Variants in RNF216 observed in about 807,000 individuals in gnomAD.
RNF216 encodes the protein E3 ubiquitin-protein ligase RNF216.
In RNF216, 72 loss-of-function variants were observed where a neutral mutation model predicts 110.8. The observed-to-expected ratio is 0.65, with a 90% CI of 0.54 to 0.79. RNF216 has a LOEUF of 0.79. Among genes scored for constraint, RNF216 ranks in the 30% least tolerant of loss-of-function variants. RNF216 has a pLI of 0.00. For missense variants in RNF216, 1,342 were observed against 1,141.2 expected (o/e 1.18, Z -2.54); for synonymous variants, 495 against 407.5 (o/e 1.21, Z -2.59).
intron 13 of RNF216, among the ~76,000 whole-genome samples, chr7:5,656,401 A>C (rs777607198): frequency 6.6e-6 from 1 of 152,234 alleles, no homozygotes; most frequent in Non-Finnish European, 1.5e-5. Context: ...TGGAAGGCAA[A>C]GTACACTTTG....
At position 5,765,997 on chromosome 7, in the gene RNF216, G is replaced by A. The variant is rs945272000; in HGVS notation, c.-69-4859C>T. Among the ~76,000 whole-genome samples, 37 of 150,528 alleles carry A rather than the reference G, an allele frequency of 2.5e-4. 1 individual carries two copies. The highest frequency in any genetic ancestry group is 5.9e-5 in the Non-Finnish European group (4 of 67,666). Reference sequence around the variant, plus strand: ...GAAAGAAATAGAAACATGAATCCAGGCTGGGCACAATGGCTCACACTTGTA... The same window carrying A: ...GAAAGAAATAGAAACATGAATCCAGACTGGGCACAATGGCTCACACTTGTA... On this transcript the variant is annotated intron_variant, in intron 1 of 16. Coordinates refer to ENST00000389902, the MANE Select transcript of RNF216 (RefSeq NM_207111.4).
chr7:5,726,126 A>C (rs937720110), intron 7 of RNF216, among the ~76,000 whole-genome samples: 32 of 152,004 alleles, frequency 2.1e-4, no homozygotes, highest in Non-Finnish European at 4.0e-4. Flanking sequence ...AAAATACAAA[A>C]AAATAGCTGG....
intron 13 of RNF216, among the ~76,000 whole-genome samples, chr7:5,686,148 A>G (rs867601652): frequency 5.3e-5 from 8 of 151,072 alleles, no homozygotes; most frequent in Non-Finnish European, 1.2e-4. Context: ...GCTTGAATCC[A>G]GAAGGCAGAG....
rs143386646 is a variant in RNF216 at position 5,688,114 on chromosome 7, C to G, written c.2061+23647G>C. Reference sequence around the variant, plus strand: ...AGCAGCAGCTATTCCTGCTCTATGTCCTGGATTCCCACAGTTGGCTGGTGG... The same window carrying G: ...AGCAGCAGCTATTCCTGCTCTATGTGCTGGATTCCCACAGTTGGCTGGTGG... On this transcript the variant is annotated intron_variant, in intron 13 of 16. Transcript: ENST00000389902. Among the ~76,000 whole-genome samples, 850 of 152,318 alleles carry G rather than the reference C, an allele frequency of 5.6e-3. 4 individuals carry two copies. The highest frequency in any genetic ancestry group is 0.019 in the African/African-American group (794 of 41,548).
Position 5,624,936 on chromosome 7 carries a change from C to G in RNF216, c.2383-811G>C, listed in dbSNP as rs548404769. On this transcript the variant is annotated intron_variant, in intron 15 of 16. Transcript: ENST00000389902. The surrounding 1 kb of genome is among the most constrained non-coding windows in gnomAD (Gnocchi z 4.4). ...GGAGGACCGGGCTGCTGCCTCAGGA[C>G]AGACCACCCGTGATGCCTGCTTCAT... Among the ~76,000 whole-genome samples the G allele has an allele frequency of 5.3e-5, 8 of 152,240 alleles. No homozygotes were observed. Among genetic ancestry groups the G allele is most frequent in the Non-Finnish European group, 1.2e-4 (8 of 68,044 alleles).
chr7:5,686,715 A>T (rs1398160138), intron 13 of RNF216, among the ~76,000 whole-genome samples: 1 of 152,246 alleles, frequency 6.6e-6, no homozygotes, highest in African/African-American at 2.4e-5. Context: ...TATTACCTAC[A>T]GAAGATCTTA....
intron 13 of RNF216, among the ~76,000 whole-genome samples, chr7:5,700,425 G>C (rs1316018348): frequency 6.6e-6 from 1 of 152,156 alleles, no homozygotes; most frequent in Non-Finnish European, 1.5e-5. Context: ...TTTTTATTGT[G>C]AAATTTCTAA....
chr7:5,688,834 T>C (rs548040129), intron 13 of RNF216, among the ~76,000 whole-genome samples: 9 of 152,170 alleles, frequency 5.9e-5, no homozygotes, highest in African/African-American at 2.2e-4. Context: ...CTTAATAATA[T>C]GATACGAATT....
intron 15 of RNF216, among the ~76,000 whole-genome samples, chr7:5,629,429 G>C (rs569160918): frequency 6.6e-6 from 1 of 151,866 alleles, no homozygotes; most frequent in South Asian, 2.1e-4. Flanking sequence ...TTGTGCCATT[G>C]TACTGGCACA....
intron 15 of RNF216, among the ~76,000 whole-genome samples, chr7:5,625,800 G>C (rs1183550573): frequency 6.6e-6 from 1 of 152,218 alleles, no homozygotes; most frequent in Non-Finnish European, 1.5e-5. Context: ...GTAGATGAAA[G>C]ATTCTTAGAA....
chr7:5,631,499 T>C (rs74601119), intron 15 of RNF216, among the ~76,000 whole-genome samples: 6,385 of 152,280 alleles, frequency 0.042, 181 homozygotes, highest in East Asian at 0.093. Context: ...CTCAGCTCAC[T>C]GGTTTTGGTC....
At chr7:5,762,688 T>C (rs567577268) in intron 1 of RNF216, among the ~76,000 whole-genome samples, 5 of 151,328 alleles carry the variant, frequency 3.3e-5, no homozygotes, top group African/African-American at 9.7e-5. Context: ...CGAGACTCTG[T>C]CTCGAAAACA....
intron 15 of RNF216, among the ~76,000 whole-genome samples, chr7:5,632,403 A>T (rs1216565204): frequency 6.6e-6 from 1 of 152,226 alleles, no homozygotes; most frequent in Admixed American, 6.5e-5. Flanking sequence ...TTTCAAATGA[A>T]TTCTCAGCAC....
intron 7 of RNF216, among the ~76,000 whole-genome samples, chr7:5,726,885 C>G (rs1793787441): frequency 6.6e-6 from 1 of 150,638 alleles, no homozygotes. Flanking sequence ...GTGCTCAAGT[C>G]TTTGCCATCC....
intron 3 of RNF216, among the ~76,000 whole-genome samples, chr7:5,747,614 G>A (rs73341668): frequency 0.062 from 9,426 of 151,722 alleles, 978 homozygotes; most frequent in African/African-American, 0.22. Context: ...GGTCATGCAC[G>A]GTGGCACACA....
At chr7:5,644,683 T>C (rs1787944935) in intron 14 of RNF216, among the ~76,000 whole-genome samples, 1 of 152,152 alleles carries the variant, frequency 6.6e-6, no homozygotes, top group South Asian at 2.1e-4. Context: ...TTTTAAATTT[T>C]TTGTAGAGAC....
At chr7:5,700,680 T>A (rs1052284916) in intron 13 of RNF216, among the ~76,000 whole-genome samples, 2 of 152,140 alleles carry the variant, frequency 1.3e-5, no homozygotes, top group Admixed American at 1.3e-4. Context: ...CCACAGAGAA[T>A]CTTTTTCTGT....
intron 14 of RNF216, among the ~76,000 whole-genome samples, chr7:5,650,607 C>A (rs1410119371): frequency 6.6e-6 from 1 of 152,092 alleles, no homozygotes; most frequent in Non-Finnish European, 1.5e-5. Flanking sequence ...GAGGGTTTTC[C>A]CAACTTCTAC....
Position 5,741,557 on chromosome 7 carries a change from T to C in RNF216, c.460A>G (p.Arg154Gly), listed in dbSNP as rs1422275803. 3.1e-6 allele frequency: 5 copies of C among 1,614,114 alleles called. No individual in the cohort carries two copies. The highest frequency in any genetic ancestry group is 2.2e-5 in the East Asian group (1 of 44,896). The change falls in exon 4 of 17, where the codon AGA (arginine) becomes GGA (glycine). Residue 154 changes from arginine (R) to glycine (G), a missense_variant. Coordinates refer to ENST00000389902, the MANE Select transcript of RNF216 (RefSeq NM_207111.4). Reference protein sequence around the residue: ...EFTKPSGQTEREPKPGPSHNQ... With the variant: ...EFTKPSGQTEGEPKPGPSHNQ... ...TGACTCGGTCCAGGCTTGGGTTCTC[T>C]TTCTGTTTGGCCACTTGGCTTAGTG...
Sources: gnomAD v4.1 joint callset for allele counts (sites outside exome capture counted in the v4.1 genomes callset) on GRCh38, gnomAD v4.1.1 for gene constraint, Gnocchi (gnomAD v3.1) non-coding constraint, MANE v1.5 for transcripts, NCBI Gene and HGNC (gene_info 2026-07-23, HGNC 2026-07-21) for gene names.